NIPAL1: variants seen among roughly 807,000 people sequenced by gnomAD.
The protein encoded by NIPAL1 is magnesium transporter NIPA3.
A neutral mutation model predicts 37.7 loss-of-function variants in NIPAL1; 35 were observed. The observed-to-expected ratio is 0.93, with a 90% CI of 0.71 to 1.23. The LOEUF (loss-of-function observed/expected upper bound fraction) is 1.23. Among genes scored for constraint, NIPAL1 ranks in the 50% most tolerant of loss-of-function variants. The pLI is 0.00. For synonymous variants in NIPAL1, 162 were observed against 183.0 expected (o/e 0.89, Z 0.93); for missense variants, 412 against 473.9 (o/e 0.87, Z 1.21).
At chr4:48,018,916 T>C (rs1418838902) in intron 1 of NIPAL1, among the ~76,000 whole-genome samples, 1 of 152,256 alleles carries the variant, frequency 6.6e-6, no homozygotes, top group Non-Finnish European at 1.5e-5. Flanking sequence ...GAAAGTGATA[T>C]TCAAGCTGAG....
At chr4:48,021,802 A>C (rs1298288995) in intron 1 of NIPAL1, among the ~76,000 whole-genome samples, 3 of 152,062 alleles carry the variant, frequency 2.0e-5, no homozygotes, top group Admixed American at 6.5e-5. Flanking sequence ...TTATAAGCAA[A>C]AGAATGTTAA....
chr4:48,021,531 T>A (rs1228701072), intron 1 of NIPAL1, among the ~76,000 whole-genome samples: 1 of 152,160 alleles, frequency 6.6e-6, no homozygotes, highest in Admixed American at 6.5e-5. Context: ...CAACATAATA[T>A]AAGAACATTA....
rs186796806 is a variant in NIPAL1, at chr4:48,024,986, G to A, written c.47-82G>A. 27 of 1,251,072 alleles carry A rather than the reference G, an allele frequency of 2.2e-5. No individual in the cohort carries two copies. The African/African-American group carries it at 3.9e-4, about 18-fold the overall frequency. 77.5% of individuals were successfully genotyped at this position (1,251,072 alleles called of 1,614,324 possible). ...AAATGTTTCAGTACCATCCACTCAA[G>A]GCTCTGTTTCCTGCAGAAAGCCGGT... On this transcript the variant is annotated intron_variant, in intron 1 of 5. Transcript: ENST00000295461.
chr4:48,031,525 G>A (rs1366125210), intron 3 of NIPAL1, among the ~76,000 whole-genome samples: 1 of 152,110 alleles, frequency 6.6e-6, no homozygotes, highest in Non-Finnish European at 1.5e-5. Context: ...AAAATATGAG[G>A]AGAGTATTAT....
chr4:48,033,002 G>A lies in NIPAL1; in HGVS notation c.380G>A (p.Gly127Glu), dbSNP rs374915621. Residue 127 changes from glycine (G) to glutamate (E), a missense_variant, in exon 4 of 6, where the codon GGA (glycine) becomes GAA (glutamate). Transcript: ENST00000295461. ...TCTGCTTGCTTTCTAGTGGGAGCAG[G>A]AGAGGCTGCAAATTTTGCTGCTTAT... ...WWVGLLSMGAGEAANFAAYAF... is the reference protein window; with the variant it reads ...WWVGLLSMGAEEAANFAAYAF... The A allele has an allele frequency of 3.1e-6, 5 of 1,612,902 alleles. No homozygotes were observed. The highest frequency in any genetic ancestry group is 4.2e-6 in the Non-Finnish European group (5 of 1,179,142).
chr4:48,028,285 A>C (rs1715736531), intron 2 of NIPAL1, among the ~76,000 whole-genome samples: 1 of 152,192 alleles, frequency 6.6e-6, no homozygotes. Context: ...ACCTACAACC[A>C]ACTGATCTTT....
Position 48,025,227 on chromosome 4 carries a change from A to T in NIPAL1, c.206A>T (p.Tyr69Phe), listed in dbSNP as rs1381941963. 1.9e-6 allele frequency: 3 copies of T among 1,614,198 alleles called. No homozygotes were observed. The highest frequency in any genetic ancestry group is 2.5e-6 in the Non-Finnish European group (3 of 1,180,010). ...SANVENKYSLYVGLVLAVSSS... is the reference protein window; with the variant it reads ...SANVENKYSLFVGLVLAVSSS... ...AATGTAGAAAACAAATACAGTCTTTATGTGGGCTTGGTACTGGCAGTAAGC... is the reference window on the plus strand; with the variant it reads ...AATGTAGAAAACAAATACAGTCTTTTTGTGGGCTTGGTACTGGCAGTAAGC... Residue 69 changes from tyrosine to phenylalanine, a missense_variant, in exon 2 of 6, where the codon TAT (tyrosine) becomes TTT (phenylalanine). Coordinates refer to ENST00000295461, the MANE Select transcript of NIPAL1 (RefSeq NM_207330.3).
chr4:48,032,588 C>G (rs1301197126), intron 3 of NIPAL1, among the ~76,000 whole-genome samples: 3 of 152,172 alleles, frequency 2.0e-5, no homozygotes, highest in African/African-American at 7.2e-5. Context: ...ATTTTCCAAG[C>G]TGGTTTTGGT....
In NIPAL1 at chr4:48,018,619, C is replaced by T. The variant is rs184555395; in HGVS notation, c.46+1734C>T. The stretch of plus-strand genomic sequence containing the variant: ...TGCAGGTGGGATTACATATGAACTA[C>T]ACCACTCAGAGCTTGACATGGAGTA... On this transcript the variant is annotated intron_variant, in intron 1 of 5. Transcript: ENST00000295461. Among the ~76,000 whole-genome samples, 411 of 152,264 alleles carry T rather than the reference C, an allele frequency of 2.7e-3. 3 individuals are homozygous for T. Among genetic ancestry groups the T allele is most frequent in the Non-Finnish European group, 4.1e-3 (281 of 68,028 alleles).
chr4:48,019,220 C>T (rs1034522455), intron 1 of NIPAL1, among the ~76,000 whole-genome samples: 2 of 152,094 alleles, frequency 1.3e-5, no homozygotes, highest in African/African-American at 2.4e-5. Context: ...ACTGTGTTGA[C>T]CAGGCTGGTC....
rs1293590475 is a variant in NIPAL1, at chr4:48,038,523, A to T, written c.*2351A>T. The T allele has an allele frequency of 6.6e-6, 1 of 152,176 alleles. No individual in the cohort carries two copies. The highest frequency in any genetic ancestry group is 2.4e-5 in the African/African-American group (1 of 41,410). 9.4% of individuals were successfully genotyped at this position (152,176 alleles called of 1,614,324 possible). A position where few individuals can be genotyped will look rare whatever the true frequency, so the allele number is the denominator to read the frequency against. On this transcript the variant is annotated 3_prime_UTR_variant, in exon 6 of 6. Coordinates refer to ENST00000295461, the MANE Select transcript of NIPAL1 (RefSeq NM_207330.3). The stretch of plus-strand genomic sequence containing the variant: ...ATCAAGAGGCTGAGTCAGGAGGATC[A>T]TTTGAGCTTAGGAGTTCAAGGCTGC...
In NIPAL1 at chr4:48,039,391, A is replaced by T. The variant is rs1716028911; in HGVS notation, c.*3219A>T. The T allele has an allele frequency of 6.6e-6, 1 of 152,214 alleles. No homozygotes were observed. The highest frequency in any genetic ancestry group is 1.5e-5 in the Non-Finnish European group (1 of 68,040). 9.4% of individuals were successfully genotyped at this position (152,214 alleles called of 1,614,324 possible). ...GGAAGATATTTTCTAAGGAAGAATA[A>T]AATGCTGGACCCCTATATTCAGACT... On this transcript the variant is annotated 3_prime_UTR_variant, in exon 6 of 6. Coordinates refer to ENST00000295461, the MANE Select transcript of NIPAL1 (RefSeq NM_207330.3).
At chr4:48,026,724 T>A (rs1023109843) in intron 2 of NIPAL1, among the ~76,000 whole-genome samples, 1 of 151,040 alleles carries the variant, frequency 6.6e-6, no homozygotes, top group South Asian at 2.1e-4. Context: ...AATAAAATTT[T>A]TTTTTTTTTT....
At chr4:48,032,018 C>A (rs1430591687) in intron 3 of NIPAL1, among the ~76,000 whole-genome samples, 1 of 152,214 alleles carries the variant, frequency 6.6e-6, no homozygotes, top group Non-Finnish European at 1.5e-5. Context: ...GGATTACAGT[C>A]ATGAGTCACC....
intron 1 of NIPAL1, among the ~76,000 whole-genome samples, chr4:48,021,913 T>C (rs1465893257): frequency 6.6e-6 from 1 of 151,566 alleles, no homozygotes; most frequent in Non-Finnish European, 1.5e-5. Flanking sequence ...ATTTATAATA[T>C]ATATTTCCTA....
At position 48,037,653 on chromosome 4, in the gene NIPAL1, A is replaced by G. The variant is rs10938520; in HGVS notation, c.*1481A>G. 125,569 of 153,214 alleles carry G rather than the reference A, an allele frequency of 0.82. 52,117 individuals carry two copies. Among genetic ancestry groups the G allele is most frequent in the Non-Finnish European group, 0.89 (61,516 of 68,802 alleles). 9.5% of individuals were successfully genotyped at this position (153,214 alleles called of 1,614,324 possible). The stretch of plus-strand genomic sequence containing the variant: ...ATTAGTTACTAACCTTTAAAAATAG[A>G]TATATTCTAATAGGATAGAAAGTTA... On this transcript the variant is annotated 3_prime_UTR_variant, in exon 6 of 6. Transcript: ENST00000295461.
In NIPAL1 at chr4:48,016,776, G is replaced by T. The variant is rs541489055; in HGVS notation, c.-64G>T. 5.7e-4 allele frequency: 844 copies of T among 1,480,354 alleles called. 6 individuals are homozygous for T. The African/African-American group carries it at 0.011, about 19-fold the overall frequency. 91.7% of individuals were successfully genotyped at this position (1,480,354 alleles called of 1,614,324 possible). A position where few individuals can be genotyped will look rare whatever the true frequency, so the allele number is the denominator to read the frequency against. On this transcript the variant is annotated 5_prime_UTR_variant, in exon 1 of 6. Transcript: ENST00000295461. ...GACCCCGCAGCCCCGCCCGCCGCGG[G>T]TGCGTGTGGAGAGGCCCAGGTGAGG...
intron 1 of NIPAL1, among the ~76,000 whole-genome samples, chr4:48,023,156 A>G (rs1367422030): frequency 6.6e-6 from 1 of 151,900 alleles, no homozygotes; most frequent in Admixed American, 6.6e-5. Flanking sequence ...GCAAACCTCT[A>G]GCCTCTGCCT....
rs1297749014 is a variant in NIPAL1, at chr4:48,036,695, AG to A, written c.*525del. 1 of 154,122 alleles carries A rather than the reference AG, an allele frequency of 6.5e-6. No homozygotes were observed. Among genetic ancestry groups the A allele is most frequent in the East Asian group, 1.9e-4 (1 of 5,224 alleles). The allele number at this position is 154,122 out of a possible 1,614,324, so 9.5% of individuals were successfully genotyped here. On this transcript the variant is annotated 3_prime_UTR_variant, in exon 6 of 6. Transcript: ENST00000295461. Reference sequence around the variant, plus strand: ...GTAATCCTAGCAGTTTGGGAGGCCAAGGCGGACAGATCACTTGAGCTCAGGA... The same window carrying A: ...GTAATCCTAGCAGTTTGGGAGGCCAAGCGGACAGATCACTTGAGCTCAGGA...
Sources: gnomAD v4.1 joint callset for allele counts (sites outside exome capture counted in the v4.1 genomes callset) on GRCh38, gnomAD v4.1.1 for gene constraint, MANE v1.5 for transcripts, NCBI Gene and HGNC (gene_info 2026-07-23, HGNC 2026-07-21) for gene names.